The following RBMS3 variants were observed in gnomAD, a reference collection of about 807,000 sequenced individuals.
RBMS3 encodes the protein RNA-binding motif, single-stranded-interacting protein 3.
Under a neutral mutation model 66.8 loss-of-function variants are expected in RBMS3, and 27 were observed. The observed-to-expected ratio is 0.40, with a 90% CI of 0.30 to 0.56. RBMS3 has a LOEUF of 0.56. Among genes scored for constraint, RBMS3 ranks in the 20% least tolerant of loss-of-function variants. The pLI, the probability that RBMS3 is intolerant of heterozygous loss-of-function variation, is 0.40. For missense variants in RBMS3, 513 were observed against 549.5 expected (o/e 0.93, Z 0.66); for synonymous variants, 188 against 183.0 (o/e 1.03, Z -0.22).
chr3:29,655,272 G>C (rs1029666408), intron 4 of RBMS3, among the ~76,000 whole-genome samples: 1 of 152,144 alleles, frequency 6.6e-6, no homozygotes, highest in Non-Finnish European at 1.5e-5. Flanking sequence ...GGTCCATTTA[G>C]CTCCCCGTCT....
chr3:29,739,709 C>A lies in RBMS3; in HGVS notation c.400-11C>A. ...CAGAACTTACCATATTTGTTACTTTCCTTCCCTTAGCAACAAGAGCAAGAC... is the reference window on the plus strand; with the variant it reads ...CAGAACTTACCATATTTGTTACTTTACTTCCCTTAGCAACAAGAGCAAGAC... On this transcript the variant is annotated splice_polypyrimidine_tract_variant and intron_variant, in intron 4 of 14. Transcript: ENST00000383767. 1.9e-6 allele frequency: 3 copies of A among 1,575,300 alleles called. No homozygotes were observed. Among genetic ancestry groups the A allele is most frequent in the Non-Finnish European group, 2.6e-6 (3 of 1,163,954 alleles).
chr3:29,683,356 A>G (rs1218427018), intron 4 of RBMS3, among the ~76,000 whole-genome samples: 13 of 152,222 alleles, frequency 8.5e-5, no homozygotes. Context: ...GATGCCGAGA[A>G]TAGAGTGTGA....
intron 1 of RBMS3, among the ~76,000 whole-genome samples, chr3:29,413,202 C>G (rs1333956206): frequency 6.6e-6 from 1 of 152,100 alleles, no homozygotes; most frequent in African/African-American, 2.4e-5. Context: ...AACCCTGTCT[C>G]TATTAAAAAT....
chr3:29,325,533 T>C (rs1184646873), intron 1 of RBMS3, among the ~76,000 whole-genome samples: 1 of 151,904 alleles, frequency 6.6e-6, no homozygotes, highest in African/African-American at 2.4e-5. Context: ...TGTGTATGTA[T>C]GTATATACAT....
intron 5 of RBMS3, among the ~76,000 whole-genome samples, chr3:29,757,478 T>A (rs969114539): frequency 6.6e-6 from 1 of 152,182 alleles, no homozygotes; most frequent in African/African-American, 2.4e-5. Flanking sequence ...TGGTTTCTAG[T>A]CTCTCATACC....
In RBMS3 at chr3:29,572,481, T is replaced by G. The variant is rs150173898; in HGVS notation, c.308-14633T>G. Among the ~76,000 whole-genome samples, 100 of 152,284 alleles carry G rather than the reference T, an allele frequency of 6.6e-4. 2 individuals are homozygous for G. Among genetic ancestry groups the G allele is most frequent in the African/African-American group, 2.3e-3 (97 of 41,554 alleles). On this transcript the variant is annotated intron_variant, in intron 3 of 14. Transcript: ENST00000383767. ...TTTGAGGGTTTTTATTATGAAGAGA[T>G]GTTCAATTTTTTCAAATGCTTTGTC...
Position 29,327,259 on chromosome 3 carries a change from A to G in RBMS3, c.75+45503A>G, listed in dbSNP as rs376521266. Among the ~76,000 whole-genome samples the G allele has an allele frequency of 2.0e-5, 3 of 152,192 alleles. 1 individual carries two copies. The highest frequency in any genetic ancestry group is 3.9e-4 in the East Asian group (2 of 5,194). On this transcript the variant is annotated intron_variant, in intron 1 of 14. Transcript: ENST00000383767. ...CTCTTTATCTCCTTTGCTTCATATT[A>G]GTGTTTATTTTGATGATGATTAAGG...
intron 1 of RBMS3, among the ~76,000 whole-genome samples, chr3:29,291,457 G>A (rs929080761): frequency 4.6e-5 from 7 of 151,854 alleles, no homozygotes; most frequent in South Asian, 2.1e-4. Flanking sequence ...GAGAGCAACT[G>A]GGAGTTCCAG....
chr3:29,440,171 G>A (rs2041562464), intron 2 of RBMS3, among the ~76,000 whole-genome samples: 1 of 152,086 alleles, frequency 6.6e-6, no homozygotes, highest in Non-Finnish European at 1.5e-5. Flanking sequence ...AATCAAACGT[G>A]CATCATAATG....
chr3:29,343,122 T>C (rs1034655128), intron 1 of RBMS3, among the ~76,000 whole-genome samples: 4 of 152,164 alleles, frequency 2.6e-5, no homozygotes, highest in East Asian at 1.9e-4. Context: ...ATCCATATTG[T>C]TGATCTAATG....
chr3:29,741,034 C>A (rs2054617961), intron 5 of RBMS3, among the ~76,000 whole-genome samples: 1 of 147,304 alleles, frequency 6.8e-6, no homozygotes, highest in South Asian at 2.1e-4. Context: ...CAGCGAGACT[C>A]CATCTCAAAA....
intron 12 of RBMS3, among the ~76,000 whole-genome samples, chr3:29,946,734 G>A (rs1418211297): frequency 6.6e-6 from 1 of 151,498 alleles, no homozygotes; most frequent in African/African-American, 2.4e-5. Context: ...CACATAGTAA[G>A]GATTTAAGAA....
chr3:29,605,327 A>G (rs962556366), intron 4 of RBMS3, among the ~76,000 whole-genome samples: 2 of 151,916 alleles, frequency 1.3e-5, no homozygotes, highest in Admixed American at 6.6e-5. Context: ...ATACGCTGTT[A>G]ACAAAGGCAA....
chr3:29,444,877 A>G (rs766773278), intron 2 of RBMS3, among the ~76,000 whole-genome samples: 4 of 129,050 alleles, frequency 3.1e-5, no homozygotes, highest in Admixed American at 1.0e-4. Flanking sequence ...GGTTTCCTCT[A>G]TCATCTCCAT....
intron 10 of RBMS3, among the ~76,000 whole-genome samples, chr3:29,919,191 G>T (rs1182438882): frequency 6.6e-6 from 1 of 151,952 alleles, no homozygotes; most frequent in African/African-American, 2.4e-5. Flanking sequence ...TAATACTACA[G>T]AAACAAATCC....
chr3:29,683,110 T>G (rs1007479425), intron 4 of RBMS3, among the ~76,000 whole-genome samples: 8 of 152,154 alleles, frequency 5.3e-5, no homozygotes, highest in Admixed American at 1.3e-4. Flanking sequence ...TTGCTTTCAT[T>G]TTTTACTACC....
At chr3:29,882,618 T>C (rs773078136) in intron 7 of RBMS3, among the ~76,000 whole-genome samples, 8 of 152,054 alleles carry the variant, frequency 5.3e-5, no homozygotes, top group Non-Finnish European at 8.8e-5. Context: ...TAATTTAAAA[T>C]TTAGTATTTA....
At position 29,501,327 on chromosome 3, in the gene RBMS3, T is replaced by A. The variant is rs367898821; in HGVS notation, c.307+12828T>A. On this transcript the variant is annotated intron_variant, in intron 3 of 14. Transcript: ENST00000383767. ...CAGGTCAGTCTATATTTCCACTCTG[T>A]GCGTCTTTCAAAAGTTACTAGTTTA... 6.6e-5 allele frequency among the ~76,000 whole-genome samples: 10 copies of A among 152,300 alleles called. No homozygotes were observed. In the East Asian group the frequency reaches 1.7e-3, roughly 26 times the overall value.
chr3:29,793,830 T>C (rs1440611239), intron 6 of RBMS3, among the ~76,000 whole-genome samples: 1 of 152,232 alleles, frequency 6.6e-6, no homozygotes, highest in Non-Finnish European at 1.5e-5. Context: ...AAATCTCTAG[T>C]TGAAATGTAA....
Sources: allele counts gnomAD v4.1 joint callset (sites outside exome capture counted in the v4.1 genomes callset), GRCh38; gene constraint gnomAD v4.1.1; transcripts MANE v1.5; gene names NCBI Gene and HGNC (gene_info 2026-07-23, HGNC 2026-07-21).